Variants in GRM1 observed in about 807,000 individuals in gnomAD.
The protein encoded by GRM1 is metabotropic glutamate receptor 1.
A neutral mutation model predicts 90.9 loss-of-function variants in GRM1; 33 were observed. The ratio of observed to expected loss-of-function variants is 0.36; its 90% CI spans 0.28 to 0.49. GRM1 has a LOEUF of 0.49. Ranked by LOEUF, GRM1 falls within the 20% of genes least tolerant of loss-of-function variation. The probability of loss-of-function intolerance (pLI) is 0.99; values close to 1 mark genes in which losing one functional copy is unlikely to be tolerated. For missense variants in GRM1, 1,190 were observed against 1,534.3 expected, an observed-to-expected ratio of 0.78 and a Z score of 3.75; for synonymous variants, 700 against 613.2, an observed-to-expected ratio of 1.14 and a Z score of -2.09.
intron 5 of GRM1, among the ~76,000 whole-genome samples, chr6:146,359,313 A>G (rs362842): frequency 0.19 from 28,215 of 151,956 alleles, 4,750 homozygotes; most frequent in African/African-American, 0.45. Flanking sequence ...ATCTTTTCTG[A>G]ATAGTGGGAA....
intron 2 of GRM1, among the ~76,000 whole-genome samples, chr6:146,191,032 G>C (rs543064686): frequency 3.9e-5 from 6 of 152,238 alleles, no homozygotes; most frequent in Admixed American, 3.3e-4. Flanking sequence ...CCATGCACTT[G>C]CCATTCTCTC....
chr6:146,178,384 T>A (rs1158308494), intron 2 of GRM1, among the ~76,000 whole-genome samples: 1 of 152,188 alleles, frequency 6.6e-6, no homozygotes, highest in African/African-American at 2.4e-5. Flanking sequence ...TTAGCTGAAA[T>A]GCTTTGGGAT....
intron 2 of GRM1, among the ~76,000 whole-genome samples, chr6:146,249,556 C>T (rs916161139): frequency 5.3e-5 from 8 of 152,092 alleles, no homozygotes; most frequent in African/African-American, 1.9e-4. Flanking sequence ...TGGGAACTTG[C>T]CTAGATTTCA....
At chr6:146,358,364 C>G (rs558024388) in intron 5 of GRM1, among the ~76,000 whole-genome samples, 144 of 152,302 alleles carry the variant, frequency 9.5e-4, no homozygotes, top group African/African-American at 3.2e-3. Flanking sequence ...GCAACACTCT[C>G]TGTATCCCAG....
At chr6:146,316,739 T>C (rs1475786528) in intron 3 of GRM1, among the ~76,000 whole-genome samples, 1 of 152,028 alleles carries the variant, frequency 6.6e-6, no homozygotes, top group Non-Finnish European at 1.5e-5. Context: ...GCTCCTCTGA[T>C]TGGGGACTGT....
intron 2 of GRM1, among the ~76,000 whole-genome samples, chr6:146,258,234 G>A (rs1282737163): frequency 6.6e-6 from 1 of 152,084 alleles, no homozygotes; most frequent in Non-Finnish European, 1.5e-5. Flanking sequence ...GAGCTCCTAA[G>A]CACTTTAAAA....
chr6:146,433,889 T>C lies in GRM1; in HGVS notation c.2678T>C (p.Val893Ala), dbSNP rs1227984399. ...ATTCATAGTTCTAATGGCAAGTCTGTGTCATGGTCTGAACCAGGTGGAGGA... is the reference window on the plus strand; with the variant it reads ...ATTCATAGTTCTAATGGCAAGTCTGCGTCATGGTCTGAACCAGGTGGAGGA... The part of the protein sequence containing the change: ...AGNANSNGKS[V>A]SWSEPGGGQV... Residue 893 changes from valine (V) to alanine (A), a missense_variant, in exon 8 of 8, where the codon GTG becomes GCG. Coordinates refer to ENST00000282753, the MANE Select transcript of GRM1 (RefSeq NM_001278064.2). 6.2e-7 allele frequency: 1 copy of C among 1,611,642 alleles called. No individual in the cohort carries two copies. The highest frequency in any genetic ancestry group is 1.7e-5 in the Admixed American group (1 of 60,024).
intron 1 of GRM1, among the ~76,000 whole-genome samples, chr6:146,123,506 A>C (rs1355061689): frequency 1.3e-5 from 2 of 152,206 alleles, no homozygotes; most frequent in African/African-American, 4.8e-5. Flanking sequence ...CTTTTGCCCC[A>C]AAAACATCTG....
chr6:146,429,187 G>C lies in GRM1; in HGVS notation c.2661-4685G>C, dbSNP rs143969045. ...CTTATGATGAAGGTAGAATTAAAGG[G>C]GAAAAGGCTAAGATTCACAATGCCA... On this transcript the variant is annotated intron_variant, in intron 7 of 7. Transcript: ENST00000282753. 2.6e-3 allele frequency among the ~76,000 whole-genome samples: 390 copies of C among 152,144 alleles called. 3 individuals carry two copies. The highest frequency in any genetic ancestry group is 9.2e-3 in the African/African-American group (380 of 41,502).
chr6:146,175,640 G>T (rs962992706), intron 2 of GRM1, among the ~76,000 whole-genome samples: 28 of 152,030 alleles, frequency 1.8e-4, no homozygotes, highest in African/African-American at 6.8e-4. Flanking sequence ...ACAAATGCAG[G>T]ATCCATCTCA....
intron 1 of GRM1, among the ~76,000 whole-genome samples, chr6:146,146,396 A>G (rs1007674073): frequency 6.6e-6 from 1 of 151,914 alleles, no homozygotes; most frequent in Non-Finnish European, 1.5e-5. Flanking sequence ...CTACTATTGT[A>G]TCTTGAAATT....
chr6:146,196,711 C>T (rs752924435), intron 2 of GRM1, among the ~76,000 whole-genome samples: 8 of 152,062 alleles, frequency 5.3e-5, no homozygotes, highest in Admixed American at 3.3e-4. Flanking sequence ...CCTACTGAAT[C>T]AGAATCTTTG....
intron 5 of GRM1, among the ~76,000 whole-genome samples, chr6:146,377,656 A>G (rs2328742): frequency 0.24 from 36,359 of 152,170 alleles, 4,960 homozygotes; most frequent in Middle Eastern, 0.32. Context: ...AGAAGTTTGC[A>G]TAAGCAATGA....
intron 3 of GRM1, among the ~76,000 whole-genome samples, chr6:146,317,197 A>G (rs1320349924): frequency 6.6e-6 from 1 of 152,196 alleles, no homozygotes; most frequent in Non-Finnish European, 1.5e-5. Flanking sequence ...GGTTCTTGCC[A>G]TTAATCTGAG....
At chr6:146,394,526 C>G (rs1421565501) in intron 6 of GRM1, among the ~76,000 whole-genome samples, 1 of 152,084 alleles carries the variant, frequency 6.6e-6, no homozygotes, top group Non-Finnish European at 1.5e-5. Context: ...CATGCCCTTT[C>G]TGCTTCTGGA....
chr6:146,301,026 G>GA (rs1311534387), intron 2 of GRM1, among the ~76,000 whole-genome samples: 3 of 152,178 alleles, frequency 2.0e-5, no homozygotes, highest in Non-Finnish European at 4.4e-5. Context: ...TATAAAAACA[G>GA]AGGATTGCTT....
chr6:146,220,357 A>G (rs1334880984), intron 2 of GRM1, among the ~76,000 whole-genome samples: 1 of 152,080 alleles, frequency 6.6e-6, no homozygotes, highest in African/African-American at 2.4e-5. Context: ...CACATTGCTG[A>G]TTTTCAAGGT....
intron 3 of GRM1, among the ~76,000 whole-genome samples, chr6:146,311,114 T>A (rs1254928337): frequency 6.6e-6 from 1 of 152,200 alleles, no homozygotes; most frequent in Non-Finnish European, 1.5e-5. Flanking sequence ...ATAAGAAGAA[T>A]GGTGCAATAT....
intron 2 of GRM1, among the ~76,000 whole-genome samples, chr6:146,263,652 C>T (rs1005427434): frequency 6.6e-6 from 1 of 151,940 alleles, no homozygotes; most frequent in Non-Finnish European, 1.5e-5. Context: ...TGTCTGAATG[C>T]CAGCACTGCA....
Sources: gnomAD v4.1 joint callset for allele counts (sites outside exome capture counted in the v4.1 genomes callset) on GRCh38, gnomAD v4.1.1 for gene constraint, MANE v1.5 for transcripts, NCBI Gene and HGNC (gene_info 2026-07-23, HGNC 2026-07-21) for gene names.